RBFOX1: variants seen among roughly 807,000 people sequenced by gnomAD.
RBFOX1 encodes RNA binding protein fox-1 homolog 1.
In RBFOX1, 8 loss-of-function variants were observed where a neutral mutation model predicts 57.7. That is an observed-to-expected ratio of 0.14 (90% confidence interval 0.08 to 0.25). RBFOX1 has a LOEUF of 0.25. Among genes scored for constraint, RBFOX1 ranks in the 10% least tolerant of loss-of-function variants. The pLI is 1.00. For synonymous variants in RBFOX1, 326 were observed against 222.4 expected, an observed-to-expected ratio of 1.47 and a Z score of -4.15; for missense variants, 611 against 548.5, an observed-to-expected ratio of 1.11 and a Z score of -1.14.
At chr16:6,946,440 G>C (rs1384650492) in intron 3 of RBFOX1, among the ~76,000 whole-genome samples, 1 of 152,152 alleles carries the variant, frequency 6.6e-6, no homozygotes. Context: ...AAAATAAGCT[G>C]TTACCCACTA....
At position 6,595,706 on chromosome 16, in the gene RBFOX1, C is replaced by T. The variant is rs141136631; in HGVS notation, c.-63-58897C>T. On this transcript the variant is annotated intron_variant, in intron 2 of 15. Coordinates refer to ENST00000550418, the MANE Select transcript of RBFOX1 (RefSeq NM_018723.4). ...TCTCTGGCTTCCCTTTTGTCCACAT[C>T]GTCACGAATACTTGTTATTATTTCT... 1.1e-4 allele frequency among the ~76,000 whole-genome samples: 16 copies of T among 152,220 alleles called. No individual in the cohort carries two copies. In the East Asian group the frequency reaches 2.3e-3, roughly 22 times the overall value.
intron 1 of RBFOX1, among the ~76,000 whole-genome samples, chr16:5,395,640 C>T (rs927421620): frequency 6.6e-6 from 1 of 152,140 alleles, no homozygotes; most frequent in Non-Finnish European, 1.5e-5. Context: ...TGTGTGATCC[C>T]CTCCCGTTGC....
rs530872098 is a variant in RBFOX1, at chr16:6,711,121, C to T, written c.-16+56471C>T. Among the ~76,000 whole-genome samples, 58 of 152,076 alleles carry T rather than the reference C, an allele frequency of 3.8e-4. 1 individual carries two copies. Among genetic ancestry groups the T allele is most frequent in the Admixed American group, 1.0e-3 (16 of 15,272 alleles). On this transcript the variant is annotated intron_variant, in intron 3 of 15. Transcript: ENST00000550418. ...TTTCTCAAATATCATGCGTCTAATC[C>T]CTGCTGCAGGAAATCATGTTGGCTT... is the stretch of plus-strand genomic sequence containing the variant.
chr16:6,530,183 T>C (rs936072179), intron 2 of RBFOX1, among the ~76,000 whole-genome samples: 3 of 152,216 alleles, frequency 2.0e-5, no homozygotes, highest in African/African-American at 7.2e-5. Flanking sequence ...TGTATGACTT[T>C]GGAGCATTTT....
At chr16:5,784,656 A>G (rs898764656) in intron 3 of RBFOX1, among the ~76,000 whole-genome samples, 3 of 152,140 alleles carry the variant, frequency 2.0e-5, no homozygotes, top group Non-Finnish European at 4.4e-5. Flanking sequence ...TTTCAACATG[A>G]GATTTGGGTG....
At chr16:5,403,673 T>C (rs922022016) in intron 1 of RBFOX1, among the ~76,000 whole-genome samples, 1 of 152,146 alleles carries the variant, frequency 6.6e-6, no homozygotes, top group Admixed American at 6.5e-5. Context: ...CTCGAGTTCC[T>C]GACTTCAGTT....
chr16:6,106,691 G>A (rs1050230468), intron 1 of RBFOX1, among the ~76,000 whole-genome samples: 14 of 151,714 alleles, frequency 9.2e-5, no homozygotes, highest in African/African-American at 1.9e-4. Flanking sequence ...TTTTTGAGAC[G>A]GAGTGTCGCT....
chr16:6,423,193 A>G (rs1156411913), intron 2 of RBFOX1, among the ~76,000 whole-genome samples: 1 of 152,206 alleles, frequency 6.6e-6, no homozygotes, highest in Non-Finnish European at 1.5e-5. Context: ...ACTTTCTCTG[A>G]TAACAATACA....
chr16:6,950,782 G>C (rs530899200), intron 3 of RBFOX1, among the ~76,000 whole-genome samples: 1 of 152,088 alleles, frequency 6.6e-6, no homozygotes, highest in Non-Finnish European at 1.5e-5. Flanking sequence ...TTAATATTGT[G>C]GCAGAATGCT....
intron 4 of RBFOX1, among the ~76,000 whole-genome samples, chr16:7,371,630 A>T (rs892725167): frequency 5.3e-5 from 8 of 152,126 alleles, no homozygotes; most frequent in Non-Finnish European, 1.5e-5. Flanking sequence ...GGCGCCTATA[A>T]TCCCAGCTAC....
At chr16:5,944,834 C>A (rs1396696051) in intron 4 of RBFOX1, among the ~76,000 whole-genome samples, 4 of 125,242 alleles carry the variant, frequency 3.2e-5, no homozygotes, top group African/African-American at 1.3e-4. Context: ...TGTCACACAC[C>A]TGTAGTCCCA....
chr16:5,893,070 A>G (rs563597503), intron 4 of RBFOX1, among the ~76,000 whole-genome samples: 2 of 152,350 alleles, frequency 1.3e-5, no homozygotes, highest in Admixed American at 6.5e-5. Context: ...AGCCTCTTCA[A>G]AATCTCATGC....
At chr16:7,309,091 T>C (rs2142446782) in intron 4 of RBFOX1, among the ~76,000 whole-genome samples, 1 of 152,360 alleles carries the variant, frequency 6.6e-6, no homozygotes, top group East Asian at 1.9e-4. Flanking sequence ...GTGGCTGGAA[T>C]GAGCACATTT....
At chr16:6,256,287 GTA>G (rs1409952240) in intron 1 of RBFOX1, among the ~76,000 whole-genome samples, 1 of 108,110 alleles carries the variant, frequency 9.2e-6, no homozygotes, top group African/African-American at 4.9e-5. Context: ...ATATATGTGT[GTA>G]TATATATATG....
chr16:6,921,635 A>G (rs1430232581), intron 3 of RBFOX1, among the ~76,000 whole-genome samples: 2 of 61,426 alleles, frequency 3.3e-5, no homozygotes, highest in Admixed American at 3.1e-4. Flanking sequence ...GTATATATAT[A>G]TATATATATA....
At chr16:7,051,247 C>G (rs1366708862) in intron 3 of RBFOX1, among the ~76,000 whole-genome samples, 1 of 152,156 alleles carries the variant, frequency 6.6e-6, no homozygotes, top group Non-Finnish European at 1.5e-5. Context: ...CCATATATCT[C>G]AAAATTCCTT....
intron 10 of RBFOX1, among the ~76,000 whole-genome samples, chr16:7,629,808 A>G (rs1014405745): frequency 6.6e-6 from 1 of 152,204 alleles, no homozygotes; most frequent in African/African-American, 2.4e-5. Context: ...GAGGCAAGTC[A>G]TTGCTGCAAT....
intron 2 of RBFOX1, among the ~76,000 whole-genome samples, chr16:6,450,873 A>ATC (rs2094606294): frequency 2.1e-5 from 1 of 48,220 alleles, no homozygotes; most frequent in Non-Finnish European, 4.1e-5. Context: ...ATATATATAT[A>ATC]TCTCCTCTGA....
chr16:6,158,823 C>G (rs985365904), intron 1 of RBFOX1, among the ~76,000 whole-genome samples: 6 of 152,134 alleles, frequency 3.9e-5, no homozygotes, highest in Admixed American at 1.3e-4. Context: ...AATTTGAATT[C>G]TAAGAGAGAA....
Sources: gnomAD v4.1 joint callset for allele counts (sites outside exome capture counted in the v4.1 genomes callset) on GRCh38, gnomAD v4.1.1 for gene constraint, MANE v1.5 for transcripts, NCBI Gene and HGNC (gene_info 2026-07-23, HGNC 2026-07-21) for gene names.